PXDNL: variants seen among roughly 807,000 people sequenced by gnomAD.
PXDNL encodes peroxidasin like.
Under a neutral mutation model 150.8 loss-of-function variants are expected in PXDNL, and 145 were observed. The observed-to-expected ratio is 0.96, with a 90% CI of 0.84 to 1.10. The LOEUF (loss-of-function observed/expected upper bound fraction) is 1.10. Among genes scored for constraint, PXDNL ranks in the 50% least tolerant of loss-of-function variants. PXDNL has a pLI of 0.00. For synonymous variants in PXDNL, 757 were observed against 725.7 expected (o/e 1.04, Z -0.69); for missense variants, 2,087 against 1,873.9 (o/e 1.11, Z -2.10).
At chr8:51,804,336 A>G (rs1476627279) in intron 1 of PXDNL, among the ~76,000 whole-genome samples, 1 of 152,206 alleles carries the variant, frequency 6.6e-6, no homozygotes, top group Non-Finnish European at 1.5e-5. Context: ...AACGGGAGGA[A>G]GGTTGGCCCT....
chr8:51,352,807 T>G (rs1176597743), intron 19 of PXDNL, among the ~76,000 whole-genome samples: 3 of 152,144 alleles, frequency 2.0e-5, no homozygotes, highest in Non-Finnish European at 4.4e-5. Flanking sequence ...TTCAGCAATG[T>G]GGATGGAACT....
At chr8:51,493,502 G>A (rs559298679) in intron 5 of PXDNL, among the ~76,000 whole-genome samples, 103 of 152,166 alleles carry the variant, frequency 6.8e-4, no homozygotes, top group African/African-American at 2.3e-3. Flanking sequence ...GAGGAAGTTC[G>A]AACCCATGGC....
chr8:51,621,798 G>T (rs1363621602), intron 2 of PXDNL, among the ~76,000 whole-genome samples: 4 of 151,918 alleles, frequency 2.6e-5, no homozygotes, highest in Non-Finnish European at 5.9e-5. Context: ...AAATTAGCTA[G>T]GCCTGGTGAC....
chr8:51,793,424 C>T (rs937058785), intron 1 of PXDNL, among the ~76,000 whole-genome samples: 2 of 152,134 alleles, frequency 1.3e-5, no homozygotes, highest in African/African-American at 4.8e-5. Flanking sequence ...AGACAGAGCA[C>T]CACTTCTCCT....
At chr8:51,338,182 CAAAA>C (rs757946882) in intron 21 of PXDNL, among the ~76,000 whole-genome samples, 3 of 90,008 alleles carry the variant, frequency 3.3e-5, no homozygotes, top group Non-Finnish European at 7.4e-5. Flanking sequence ...GACTCCATCT[CAAAA>C]AAAAAAAAAA....
chr8:51,495,773 G>T (rs187565045), intron 5 of PXDNL, among the ~76,000 whole-genome samples: 5,880 of 152,090 alleles, frequency 0.039, 366 homozygotes, highest in African/African-American at 0.13. Flanking sequence ...GGCTCTGAAA[G>T]TGAGGCAATA....
At chr8:51,744,251 AAGAAAGAAAAG>A (rs1340308273) in intron 1 of PXDNL, among the ~76,000 whole-genome samples, 2 of 145,224 alleles carry the variant, frequency 1.4e-5, no homozygotes, top group African/African-American at 2.5e-5. Flanking sequence ...AAGAGAGGAA[AAGAAAGAAAAG>A]AGAAAGAAAG....
At chr8:51,478,687 C>A (rs551105845) in intron 6 of PXDNL, among the ~76,000 whole-genome samples, 29 of 152,300 alleles carry the variant, frequency 1.9e-4, no homozygotes, top group African/African-American at 6.3e-4. Context: ...CACAAGCTAT[C>A]AGTGAATGGA....
intron 4 of PXDNL, among the ~76,000 whole-genome samples, chr8:51,533,645 G>A (rs1391918199): frequency 6.7e-6 from 1 of 149,792 alleles, no homozygotes; most frequent in Non-Finnish European, 1.5e-5. Context: ...CGCCACGCCT[G>A]ACTGGTTTTC....
intron 4 of PXDNL, among the ~76,000 whole-genome samples, chr8:51,534,847 G>A (rs1363385142): frequency 8.0e-6 from 1 of 125,038 alleles, no homozygotes; most frequent in East Asian, 2.6e-4. Flanking sequence ...GGGAGGTGGG[G>A]GGATCAGCCC....
chr8:51,748,399 C>G (rs772975394), intron 1 of PXDNL, among the ~76,000 whole-genome samples: 4 of 152,142 alleles, frequency 2.6e-5, no homozygotes, highest in Non-Finnish European at 5.9e-5. Flanking sequence ...GACATGGGCC[C>G]TTAGAGGGAG....
At chr8:51,607,488 AC>A (rs1813861873) in intron 2 of PXDNL, among the ~76,000 whole-genome samples, 1 of 152,080 alleles carries the variant, frequency 6.6e-6, no homozygotes, top group African/African-American at 2.4e-5. Context: ...GGGGCTGCTA[AC>A]TGCAATTGTT....
chr8:51,660,201 A>G (rs1303597201), intron 1 of PXDNL, among the ~76,000 whole-genome samples: 1 of 118,332 alleles, frequency 8.5e-6, no homozygotes, highest in Non-Finnish European at 1.9e-5. Flanking sequence ...ACAATTTAAG[A>G]TATTAAATAG....
chr8:51,588,828 G>C (rs958391509), intron 3 of PXDNL, among the ~76,000 whole-genome samples: 2 of 152,190 alleles, frequency 1.3e-5, no homozygotes, highest in African/African-American at 4.8e-5. Flanking sequence ...ATGAGGAGCA[G>C]GCTTTGCACA....
chr8:51,738,938 A>G (rs2036870544), intron 1 of PXDNL, among the ~76,000 whole-genome samples: 1 of 151,352 alleles, frequency 6.6e-6, no homozygotes, highest in African/African-American at 2.5e-5. Context: ...AGTACAAAAA[A>G]AAAGAAAACT....
At chr8:51,682,109 A>G (rs1365791248) in intron 1 of PXDNL, among the ~76,000 whole-genome samples, 3 of 152,250 alleles carry the variant, frequency 2.0e-5, no homozygotes, top group African/African-American at 7.2e-5. Flanking sequence ...ATTATGTTAT[A>G]TAAATGCTAT....
At chr8:51,540,778 T>C (rs1812197956) in intron 4 of PXDNL, among the ~76,000 whole-genome samples, 1 of 152,230 alleles carries the variant, frequency 6.6e-6, no homozygotes, top group Non-Finnish European at 1.5e-5. Context: ...TTCTGTTTAC[T>C]TGTTCTATCA....
chr8:51,401,659 A>T (rs926995620), intron 17 of PXDNL, among the ~76,000 whole-genome samples: 2 of 152,214 alleles, frequency 1.3e-5, no homozygotes, highest in Non-Finnish European at 2.9e-5. Context: ...CTGAGATGCC[A>T]GCGAGGAAGA....
chr8:51,537,283 C>A (rs1030035270), intron 4 of PXDNL, among the ~76,000 whole-genome samples: 5 of 152,142 alleles, frequency 3.3e-5, no homozygotes, highest in Admixed American at 2.0e-4. Flanking sequence ...AGGCTGGACA[C>A]CCTCTGGCTG....
Sources: gnomAD v4.1 joint callset for allele counts (sites outside exome capture counted in the v4.1 genomes callset) on GRCh38, gnomAD v4.1.1 for gene constraint, MANE v1.5 for transcripts, NCBI Gene and HGNC (gene_info 2026-07-23, HGNC 2026-07-21) for gene names.